CLPTM1L: variants seen among roughly 807,000 people sequenced by gnomAD.
CLPTM1L encodes CLPTM1 like.
Under a neutral mutation model 70.9 loss-of-function variants are expected in CLPTM1L, and 38 were observed. The ratio of observed to expected loss-of-function variants is 0.54; its 90% CI spans 0.41 to 0.70. CLPTM1L has a LOEUF of 0.70. Among genes scored for constraint, CLPTM1L ranks in the 30% least tolerant of loss-of-function variants. The pLI, the probability that CLPTM1L is intolerant of heterozygous loss-of-function variation, is 0.00. For synonymous variants in CLPTM1L, 339 were observed against 299.9 expected (o/e 1.13, Z -1.35); for missense variants, 652 against 705.9 (o/e 0.92, Z 0.87).
At chr5:1,337,382 G>C (rs1363200078) in intron 5 of CLPTM1L, among the ~76,000 whole-genome samples, 1 of 152,244 alleles carries the variant, frequency 6.6e-6, no homozygotes, top group African/African-American at 2.4e-5. Context: ...CAGGGCGCCA[G>C]AGCCCAGAGA....
At chr5:1,322,993 T>C in intron 12 of CLPTM1L, 82 bp from the exon 13 acceptor site, 1 of 1,384,276 alleles carries the variant, frequency 7.2e-7, no homozygotes, top group Non-Finnish European at 1.0e-6. Flanking sequence ...AATTCTTTCA[T>C]TAAAAATCCT....
At chr5:1,330,441 C>G (rs1753013121) in intron 8 of CLPTM1L, 58 bp from the exon 9 acceptor site, 4 of 1,403,618 alleles carry the variant, frequency 2.8e-6, no homozygotes, top group Non-Finnish European at 4.0e-6. Context: ...CCTGTGTTCC[C>G]CAAGTCACAC....
intron 9 of CLPTM1L, chr5:1,326,431 C>T (rs1579626503): frequency 4.1e-6 from 1 of 243,724 alleles, no homozygotes; most frequent in Non-Finnish European, 7.8e-6. Flanking sequence ...AGCTCCTCCT[C>T]GACAGACACA....
rs529249967 is a variant in CLPTM1L at position 1,327,469 on chromosome 5, GCTC to G, written c.1081-1656_1081-1654del. Among the ~76,000 whole-genome samples, 7 of 147,892 alleles carry G rather than the reference GCTC, an allele frequency of 4.7e-5. No homozygotes were observed. In the South Asian group the frequency reaches 1.5e-3, roughly 32 times the overall value. The stretch of plus-strand genomic sequence containing the variant: ...CTCCTCTACAGGGACATTCCATCCA[GCTC>G]CTCCTCTACAGGGACATTTCATCCA... On this transcript the variant is annotated intron_variant, in intron 9 of 16. Coordinates refer to ENST00000320895, the MANE Select transcript of CLPTM1L (RefSeq NM_030782.5).
intron 7 of CLPTM1L, chr5:1,332,305 A>C (rs796145440): frequency 3.9e-5 from 7 of 177,548 alleles, no homozygotes; most frequent in African/African-American, 1.6e-4. Context: ...TGCAAGGCCA[A>C]GGCCAAAGGA....
intron 4 of CLPTM1L, chr5:1,338,238 C>A: frequency 3.6e-6 from 2 of 557,364 alleles, no homozygotes; most frequent in South Asian, 2.0e-5. Context: ...CCACTAGGAG[C>A]GGGGGAATTA....
intron 15 of CLPTM1L, among the ~76,000 whole-genome samples, 188 bp from the exon 16 acceptor site, chr5:1,320,919 C>T (rs530763194): frequency 2.0e-5 from 3 of 152,356 alleles, no homozygotes; most frequent in Non-Finnish European, 4.4e-5. Flanking sequence ...TCATGGGCTC[C>T]CCACAGCTGC....
chr5:1,322,810 G>C, intron 13 of CLPTM1L, 67 bp downstream of exon 13: 5 of 1,529,298 alleles, frequency 3.3e-6, no homozygotes, highest in Non-Finnish European at 3.6e-6. Flanking sequence ...GGGTTTCAAT[G>C]CAAGAACAAT....
At chr5:1,327,207 A>G (rs1752652881) in intron 9 of CLPTM1L, among the ~76,000 whole-genome samples, 1 of 148,520 alleles carries the variant, frequency 6.7e-6, no homozygotes, top group African/African-American at 2.5e-5. Flanking sequence ...CATTCCATCC[A>G]GCTCCTCCTC....
In CLPTM1L at chr5:1,334,254, A is replaced by C. The variant is rs772327079; in HGVS notation, c.891+35T>G. ...GGCCCGGGGCCCAGGGAGCCCCCCA[A>C]GTGCCTGCGGCAAGCCCCCCGGTGG... is the stretch of plus-strand genomic sequence containing the variant. On this transcript the variant is annotated intron_variant, in intron 7 of 16. Transcript: ENST00000320895. The C allele has an allele frequency of 3.2e-5, 50 of 1,551,644 alleles. 1 individual carries two copies. In the South Asian group the frequency reaches 4.8e-4, roughly 15 times the overall value.
At chr5:1,325,086 C>T (rs1752436547) in intron 10 of CLPTM1L, 1 of 561,156 alleles carries the variant, frequency 1.8e-6, no homozygotes, top group Admixed American at 3.1e-5. Context: ...TTTTCAGTGC[C>T]ACCGCTTCAG....
chr5:1,333,730 C>CG (rs1561244615), intron 7 of CLPTM1L, among the ~76,000 whole-genome samples: 6 of 65,264 alleles, frequency 9.2e-5, no homozygotes, highest in African/African-American at 2.9e-4. Flanking sequence ...GTATACACAC[C>CG]GGATGAGGAT....
intron 2 of CLPTM1L, among the ~76,000 whole-genome samples, chr5:1,343,059 C>T (rs1252886103): frequency 1.3e-5 from 2 of 152,160 alleles, no homozygotes; most frequent in African/African-American, 4.8e-5. Flanking sequence ...GGCGTGGTGG[C>T]GGGTGCCTGT....
chr5:1,335,290 C>G, intron 5 of CLPTM1L, 116 bp from the exon 6 acceptor site: 2 of 795,578 alleles, frequency 2.5e-6, no homozygotes, highest in Non-Finnish European at 4.3e-6. Flanking sequence ...CCAGGTCAGC[C>G]ATGACTGGGC....
At chr5:1,337,594 GTGCTCATGTGCC>G (rs1753658653) in intron 5 of CLPTM1L, among the ~76,000 whole-genome samples, 2 of 152,220 alleles carry the variant, frequency 1.3e-5, no homozygotes, top group Admixed American at 1.3e-4. Context: ...GTTTCACACG[GTGCTCATGTGCC>G]TGCTCTCTAA....
chr5:1,340,229 G>C (rs1009132565), intron 3 of CLPTM1L, among the ~76,000 whole-genome samples: 8 of 152,246 alleles, frequency 5.3e-5, no homozygotes, highest in African/African-American at 1.9e-4. Context: ...CTTGGCAGAA[G>C]ACTGTGCAAG....
Position 1,323,782 on chromosome 5 carries a change from C to A in CLPTM1L, c.1280+5G>T. On this transcript the variant is annotated splice_donor_5th_base_variant and intron_variant, in intron 12 of 16. Coordinates refer to ENST00000320895, the MANE Select transcript of CLPTM1L (RefSeq NM_030782.5). ...GCAGCAGGGGAAGCGTGTGCGGCCTCCTACCTCTTATATTTGATATTCAGG... is the reference window on the plus strand; with the variant it reads ...GCAGCAGGGGAAGCGTGTGCGGCCTACTACCTCTTATATTTGATATTCAGG... 1 of 1,610,394 alleles carries A rather than the reference C, an allele frequency of 6.2e-7. No homozygotes were observed. The highest frequency in any genetic ancestry group is 8.5e-7 in the Non-Finnish European group (1 of 1,176,884).
chr5:1,321,831 C>CA lies in CLPTM1L; in HGVS notation c.1316-13dup, dbSNP rs1752173019. The CA allele has an allele frequency of 1.9e-6, 3 of 1,612,880 alleles. No homozygotes were observed. The East Asian group carries it at 6.7e-5, about 36-fold the overall frequency. On this transcript the variant is annotated splice_polypyrimidine_tract_variant and intron_variant, in intron 13 of 16. Transcript: ENST00000320895. The stretch of plus-strand genomic sequence containing the variant: ...AAAGGCATAGACCCCTGCAGAAAGA[C>CA]AGACAGCACTCACGAGGTGCGGAGG...
intron 7 of CLPTM1L, among the ~76,000 whole-genome samples, chr5:1,332,713 G>T (rs914848833): frequency 6.6e-6 from 1 of 152,224 alleles, no homozygotes. Flanking sequence ...CCACACCCAC[G>T]TAACTTTATC....
Sources: gnomAD v4.1 joint callset for allele counts (sites outside exome capture counted in the v4.1 genomes callset) on GRCh38, gnomAD v4.1.1 for gene constraint, MANE v1.5 for transcripts, NCBI Gene and HGNC (gene_info 2026-07-23, HGNC 2026-07-21) for gene names.